The following RAPGEF2 variants were observed in gnomAD, a reference collection of about 807,000 sequenced individuals.
RAPGEF2 encodes Rap guanine nucleotide exchange factor 2.
In RAPGEF2, 54 loss-of-function variants were observed where a neutral mutation model predicts 186.7. The ratio of observed to expected loss-of-function variants is 0.29; its 90% CI spans 0.23 to 0.36. The LOEUF (loss-of-function observed/expected upper bound fraction) is 0.36. Among genes scored for constraint, RAPGEF2 ranks in the 10% least tolerant of loss-of-function variants. RAPGEF2 has a pLI of 1.00. For synonymous variants in RAPGEF2, 712 were observed against 705.9 expected (o/e 1.01, Z -0.14); for missense variants, 1,532 against 2,045.0 (o/e 0.75, Z 4.84).
Position 159,103,349 on chromosome 4 carries a change from C to G in RAPGEF2, c.-814C>G, listed in dbSNP as rs1216780994. The G allele has an allele frequency of 1.3e-5, 2 of 151,506 alleles. No individual in the cohort carries two copies. The highest frequency in any genetic ancestry group is 3.0e-5 in the Non-Finnish European group (2 of 67,656). The allele number at this position is 151,506 out of a possible 1,614,324, so 9.4% of individuals were successfully genotyped here. A position where few individuals can be genotyped will look rare whatever the true frequency, so the allele number is the denominator to read the frequency against. On this transcript the variant is annotated 5_prime_UTR_variant, in exon 1 of 30. Coordinates refer to ENST00000691494, the MANE Select transcript of RAPGEF2 (RefSeq NM_001394067.2). The stretch of plus-strand genomic sequence containing the variant: ...GGGCCGGGTGCTCTGGCCGCGGCGG[C>G]GCCGGCGCCGGGGCAGCTCCGCTCC...
rs1767571362 is a variant in RAPGEF2, at chr4:159,337,365, AT to A, written c.2136-939del. ...CGAGAATAAAATTAGGACACTTTGGATTTTTTTCCTCCTGTTTTCATTTTAC... is the reference window on the plus strand; with the variant it reads ...CGAGAATAAAATTAGGACACTTTGGATTTTTTCCTCCTGTTTTCATTTTAC... On this transcript the variant is annotated intron_variant, in intron 17 of 29. Transcript: ENST00000691494. Among the ~76,000 whole-genome samples the A allele has an allele frequency of 4.6e-5, 7 of 152,138 alleles. 1 individual carries two copies. The South Asian group carries it at 1.5e-3, about 32-fold the overall frequency.
chr4:159,187,690 A>G lies in RAPGEF2; in HGVS notation c.140+978A>G, dbSNP rs188627902. Among the ~76,000 whole-genome samples the G allele has an allele frequency of 3.2e-4, 48 of 152,308 alleles. No individual in the cohort carries two copies. In the East Asian group the frequency reaches 8.3e-3, roughly 26 times the overall value. ...ATATTTATGTTTATCTGGGCTTCAT[A>G]TTAAAGAACAAAAATGATTTTACCT... On this transcript the variant is annotated intron_variant, in intron 2 of 29. Coordinates refer to ENST00000691494, the MANE Select transcript of RAPGEF2 (RefSeq NM_001394067.2).
At chr4:159,211,457 A>G (rs1344021458) in intron 4 of RAPGEF2, among the ~76,000 whole-genome samples, 1 of 152,220 alleles carries the variant, frequency 6.6e-6, no homozygotes, top group African/African-American at 2.4e-5. Flanking sequence ...TGAATCGACT[A>G]AAGTACAGGG....
intron 9 of RAPGEF2, among the ~76,000 whole-genome samples, chr4:159,318,926 C>T (rs960504042): frequency 5.9e-5 from 9 of 151,952 alleles, no homozygotes; most frequent in Non-Finnish European, 1.2e-4. Context: ...TTTCCATAAA[C>T]GTTAGATAGG....
At chr4:159,251,986 C>T (rs529537870) in intron 7 of RAPGEF2, among the ~76,000 whole-genome samples, 3 of 152,042 alleles carry the variant, frequency 2.0e-5, no homozygotes, top group Admixed American at 2.0e-4. Context: ...AAGTCAGAGA[C>T]CACGAACCCA....
intron 2 of RAPGEF2, among the ~76,000 whole-genome samples, chr4:159,187,211 C>T (rs977400413): frequency 6.6e-6 from 1 of 152,124 alleles, no homozygotes. Context: ...CAATTGTATC[C>T]AGTAAGAGAA....
At chr4:159,357,517 T>G (rs1295829557) in intron 29 of RAPGEF2, among the ~76,000 whole-genome samples, 1 of 152,184 alleles carries the variant, frequency 6.6e-6, no homozygotes, top group African/African-American at 2.4e-5. Flanking sequence ...TTTAAAGTTT[T>G]CAGTTTAACA....
intron 7 of RAPGEF2, among the ~76,000 whole-genome samples, chr4:159,289,936 TGA>T (rs1011443440): frequency 6.6e-6 from 1 of 151,686 alleles, no homozygotes; most frequent in Non-Finnish European, 1.5e-5. Flanking sequence ...GGAAGAGAAG[TGA>T]GTGTGAGAAG....
intron 1 of RAPGEF2, among the ~76,000 whole-genome samples, chr4:159,111,897 AC>A (rs1164665830): frequency 6.6e-6 from 1 of 152,156 alleles, no homozygotes; most frequent in African/African-American, 2.4e-5. Flanking sequence ...GTGTAATATC[AC>A]AATCAGGATA....
intron 23 of RAPGEF2, among the ~76,000 whole-genome samples, chr4:159,344,627 A>C (rs1730033733): frequency 6.6e-6 from 1 of 152,202 alleles, no homozygotes. Flanking sequence ...TTATTAACAG[A>C]TTGACCGTAT....
Position 159,355,892 on chromosome 4 carries a change from C to CCCCCCCCCCA in RAPGEF2, c.4691_4692insCCCCCCCCCA (p.Gly1566ProfsTer12). 1 of 1,555,406 alleles carries CCCCCCCCCCA rather than the reference C, an allele frequency of 6.4e-7. No individual in the cohort carries two copies. The highest frequency in any genetic ancestry group is 8.7e-7 in the Non-Finnish European group (1 of 1,149,364). On this transcript the variant is annotated frameshift_variant, in exon 29 of 30. Coordinates refer to ENST00000691494, the MANE Select transcript of RAPGEF2 (RefSeq NM_001394067.2). LOFTEE classifies it high-confidence loss of function. The stretch of plus-strand genomic sequence containing the variant: ...AGGTATCGAGAGCCCCCGCCCACCC[C>CCCCCCCCCCA]TCCCGGCTACATTGGAATTCCCATT...
intron 7 of RAPGEF2, among the ~76,000 whole-genome samples, chr4:159,250,314 T>C (rs1385340959): frequency 3.3e-5 from 5 of 152,170 alleles, no homozygotes; most frequent in African/African-American, 7.2e-5. Flanking sequence ...CAATAACTTA[T>C]GGAAAAATAA....
In RAPGEF2 at chr4:159,353,506, G is replaced by A. The variant is rs780947828; in HGVS notation, c.4111G>A (p.Glu1371Lys). ...ACTTAGGTCCTATGCACCAATGTCC[G>A]AGGGCCGAGGCTTATATGCTACAGC... ...YSLGSYAPMS[E>K]GRGLYATATV... The change falls in exon 28 of 30, where the codon GAG becomes AAG. Residue 1371 changes from glutamate (E) to lysine (K), a missense_variant. Physicochemically the swap from Glu to Lys is moderately conservative, Grantham distance 56. Coordinates refer to ENST00000691494, the MANE Select transcript of RAPGEF2 (RefSeq NM_001394067.2). This position sits in a 1 kb window ranked among gnomAD's most constrained non-coding sequence, Gnocchi z 4.3. The A allele has an allele frequency of 1.1e-5, 17 of 1,481,858 alleles. No homozygotes were observed. In the Admixed American group the frequency reaches 2.0e-4, roughly 17 times the overall value. The allele number at this position is 1,481,858 out of a possible 1,614,324, so 91.8% of individuals were successfully genotyped here. A position where few individuals can be genotyped will look rare whatever the true frequency, so the allele number is the denominator to read the frequency against.
chr4:159,144,393 TG>T (rs1742676547), intron 1 of RAPGEF2, among the ~76,000 whole-genome samples: 1 of 152,260 alleles, frequency 6.6e-6, no homozygotes, highest in Non-Finnish European at 1.5e-5. Flanking sequence ...CTTGTATTTC[TG>T]TGTAATTCTT....
chr4:159,275,497 A>C (rs1026774638), intron 7 of RAPGEF2, among the ~76,000 whole-genome samples: 31 of 152,186 alleles, frequency 2.0e-4, no homozygotes, highest in Non-Finnish European at 1.0e-4. Flanking sequence ...ATCTGTATAC[A>C]TGTACTTATT....
At chr4:159,238,424 A>G (rs1167115638) in intron 4 of RAPGEF2, among the ~76,000 whole-genome samples, 2 of 152,214 alleles carry the variant, frequency 1.3e-5, no homozygotes, top group Non-Finnish European at 2.9e-5. Flanking sequence ...ATGTACATGC[A>G]TTTTATACTT....
chr4:159,146,367 T>C (rs527973157), intron 1 of RAPGEF2, among the ~76,000 whole-genome samples: 4 of 151,982 alleles, frequency 2.6e-5, no homozygotes, highest in South Asian at 2.1e-4. Flanking sequence ...TTTTCTTTTT[T>C]TTTTTTTCTT....
intron 7 of RAPGEF2, among the ~76,000 whole-genome samples, chr4:159,273,640 T>TTCTTTC (rs1554023049): frequency 9.2e-4 from 100 of 109,216 alleles, no homozygotes; most frequent in African/African-American, 3.5e-3. Flanking sequence ...CTTTCTTTCT[T>TTCTTTC]TCTTTCTTTC....
At position 159,182,742 on chromosome 4, in the gene RAPGEF2, G is replaced by A. The variant is rs144391709; in HGVS notation, c.70-3900G>A. 3.5e-4 allele frequency among the ~76,000 whole-genome samples: 53 copies of A among 152,166 alleles called. No individual in the cohort carries two copies. The East Asian group carries it at 8.9e-3, about 25-fold the overall frequency. Reference sequence around the variant, plus strand: ...TTCTAATTCCTTATCTAGTTATTCTGTGAATTATTGTCATCTGTGTCCTTA... The same window carrying A: ...TTCTAATTCCTTATCTAGTTATTCTATGAATTATTGTCATCTGTGTCCTTA... On this transcript the variant is annotated intron_variant, in intron 1 of 29. Coordinates refer to ENST00000691494, the MANE Select transcript of RAPGEF2 (RefSeq NM_001394067.2).
Sources: allele counts gnomAD v4.1 joint callset (sites outside exome capture counted in the v4.1 genomes callset), GRCh38; gene constraint gnomAD v4.1.1; non-coding constraint Gnocchi (gnomAD v3.1); transcripts MANE v1.5; gene names NCBI Gene and HGNC (gene_info 2026-07-23, HGNC 2026-07-21).